Variants in PYM1 observed in about 807,000 individuals in gnomAD.
PYM1 encodes partner of Y14 and mago.
PYM1 carries 7 observed loss-of-function variants against 20.7 expected under a neutral mutation model. That is an observed-to-expected ratio of 0.34 (90% CI 0.19 to 0.64). The LOEUF (loss-of-function observed/expected upper bound fraction) is 0.64. Among genes scored for constraint, PYM1 ranks in the 30% least tolerant of loss-of-function variants. PYM1 has a pLI of 0.74. For missense variants in PYM1, 194 were observed against 250.0 expected (o/e 0.78, Z 1.51); for synonymous variants, 100 against 99.2 (o/e 1.01, Z -0.05).
chr12:55,907,963 G>T (rs1179062525), intron 1 of PYM1, among the ~76,000 whole-genome samples: 1 of 150,732 alleles, frequency 6.6e-6, no homozygotes, highest in Non-Finnish European at 1.5e-5. Context: ...AAAAAATAAG[G>T]CTGGGCATGG....
intron 1 of PYM1, among the ~76,000 whole-genome samples, chr12:55,910,592 A>G (rs911118913): frequency 6.6e-6 from 1 of 152,122 alleles, no homozygotes; most frequent in Non-Finnish European, 1.5e-5. Flanking sequence ...ACAGGAGCCC[A>G]CTACCACGCC....
At chr12:55,903,569 T>C in intron 1 of PYM1, 89 bp from the exon 2 acceptor site, 1 of 1,235,506 alleles carries the variant, frequency 8.1e-7, no homozygotes, top group Non-Finnish European at 1.2e-6. Context: ...ACATACCATC[T>C]CTCAGCACCC....
At chr12:55,923,936 C>G (rs1353963569) in intron 1 of PYM1, among the ~76,000 whole-genome samples, 1 of 151,902 alleles carries the variant, frequency 6.6e-6, no homozygotes, top group African/African-American at 2.4e-5. Flanking sequence ...ATTAGCCAAG[C>G]GTGGTGACAT....
chr12:55,920,368 G>A (rs890815395), intron 1 of PYM1, among the ~76,000 whole-genome samples: 5 of 152,086 alleles, frequency 3.3e-5, no homozygotes, highest in Non-Finnish European at 5.9e-5. Context: ...GCCGAGCACG[G>A]TGGCTCATGC....
In PYM1 at chr12:55,907,662, G is replaced by C. The variant is rs561392995; in HGVS notation, c.38-4182C>G. ...AAAAAAAAAAAAAAATTGGAGGCCA[G>C]GCGCAGTGGTGCACACCTGTAATCC... is the stretch of plus-strand genomic sequence containing the variant. On this transcript the variant is annotated intron_variant, in intron 1 of 2. Transcript: ENST00000408946. Among the ~76,000 whole-genome samples the C allele has an allele frequency of 2.0e-3, 304 of 148,636 alleles. 10 individuals are homozygous for C. Among genetic ancestry groups the C allele is most frequent in the Admixed American group, 0.019 (283 of 14,874 alleles).
At chr12:55,912,711 T>C (rs1882946075) in intron 1 of PYM1, among the ~76,000 whole-genome samples, 1 of 152,146 alleles carries the variant, frequency 6.6e-6, no homozygotes, top group Non-Finnish European at 1.5e-5. Flanking sequence ...ACGTATGTAA[T>C]CCCAGCACTT....
intron 2 of PYM1, among the ~76,000 whole-genome samples, chr12:55,902,737 A>C (rs557644335): frequency 1.3e-5 from 2 of 149,686 alleles, no homozygotes; most frequent in South Asian, 4.2e-4. Context: ...TTGGCCTCCC[A>C]AAGTGCTTGG....
intron 1 of PYM1, among the ~76,000 whole-genome samples, chr12:55,904,167 A>G (rs1404835982): frequency 2.6e-5 from 4 of 151,848 alleles, no homozygotes; most frequent in Non-Finnish European, 4.4e-5. Context: ...GGGTTTCGCC[A>G]TGTCAGCCAG....
intron 1 of PYM1, among the ~76,000 whole-genome samples, chr12:55,917,962 A>AAAAC (rs567724854): frequency 6.6e-6 from 1 of 152,136 alleles, no homozygotes; most frequent in Non-Finnish European, 1.5e-5. Context: ...TCCATCACAA[A>AAAAC]AAACAAACAA....
chr12:55,903,470 G>A lies in PYM1; in HGVS notation c.48C>T (p.Ile16=), dbSNP rs761023631. 28 of 1,613,306 alleles carry A rather than the reference G, an allele frequency of 1.7e-5. No individual in the cohort carries two copies. Among genetic ancestry groups the A allele is most frequent in the African/African-American group, 2.7e-5 (2 of 74,830 alleles). ...TCCCGTCAGGTCGCTGTGTTGACGC[G>A]ATATACTTGCCTAAAATAAGAAAAA... The part of the protein sequence containing the change: ...SPAATETGKY[I]ASTQRPDGTW... The change falls in exon 2 of 3, where the codon ATC becomes ATT. Residue 16 remains isoleucine, a synonymous_variant. Transcript: ENST00000408946.
chr12:55,919,078 T>G (rs1883055818), intron 1 of PYM1, among the ~76,000 whole-genome samples: 2 of 152,202 alleles, frequency 1.3e-5, no homozygotes, highest in Non-Finnish European at 2.9e-5. Flanking sequence ...ATGTTCTTAT[T>G]CAGGTACATA....
intron 1 of PYM1, among the ~76,000 whole-genome samples, chr12:55,916,293 C>G (rs11171697): frequency 6.6e-6 from 1 of 151,788 alleles, no homozygotes; most frequent in African/African-American, 2.4e-5. Context: ...TGAAACCACA[C>G]CAGTGCACTC....
chr12:55,903,327 T>C, intron 2 of PYM1, 60 bp downstream of exon 2: 2 of 1,472,466 alleles, frequency 1.4e-6, no homozygotes, highest in South Asian at 1.1e-5. Flanking sequence ...GGCATAAGGA[T>C]ATTCTATCCT....
At chr12:55,922,457 A>AAAAG (rs1466895644) in intron 1 of PYM1, among the ~76,000 whole-genome samples, 1 of 151,096 alleles carries the variant, frequency 6.6e-6, no homozygotes, top group African/African-American at 2.4e-5. Context: ...AAAAAAAAAA[A>AAAAG]AAAAAAAAAA....
intron 1 of PYM1, among the ~76,000 whole-genome samples, chr12:55,917,282 G>A (rs542508371): frequency 4.6e-5 from 7 of 151,352 alleles, no homozygotes; most frequent in East Asian, 4.0e-4. Flanking sequence ...TTAGCCGGGC[G>A]TGGTGGTGGG....
At chr12:55,915,063 A>C (rs1029549237) in intron 1 of PYM1, among the ~76,000 whole-genome samples, 1 of 151,972 alleles carries the variant, frequency 6.6e-6, no homozygotes, top group East Asian at 1.9e-4. Flanking sequence ...AAAATAGAAA[A>C]AATTAGCCGG....
intron 1 of PYM1, among the ~76,000 whole-genome samples, chr12:55,904,189 A>T (rs536128909): frequency 9.6e-4 from 146 of 151,360 alleles, no homozygotes; most frequent in Admixed American, 2.0e-3. Context: ...CTAGTCTCGA[A>T]CTCCTGACCT....
At chr12:55,914,319 T>G (rs1882970758) in intron 1 of PYM1, 1 of 702,310 alleles carries the variant, frequency 1.4e-6, no homozygotes, top group African/African-American at 1.7e-5. Flanking sequence ...CTTGATGGTA[T>G]CCAAGGGTGA....
rs1280358506 is a variant in PYM1 at position 55,902,268 on chromosome 12, T to G, written c.219A>C (p.Pro73=). ...LSPEATAPVT[P]SRPEGGEPGL... ...CTGGTTCACCACCTTCAGGCCTGGA[T>G]GGGGTGACAGGAGCAGTGGCCTCAG... Residue 73 remains proline, a synonymous_variant, in exon 3 of 3, where the codon CCA becomes CCC. Transcript: ENST00000408946. 3 of 1,614,186 alleles carry G rather than the reference T, an allele frequency of 1.9e-6. No homozygotes were observed.
Sources: allele counts gnomAD v4.1 joint callset (sites outside exome capture counted in the v4.1 genomes callset), GRCh38; gene constraint gnomAD v4.1.1; transcripts MANE v1.5; gene names NCBI Gene and HGNC (gene_info 2026-07-23, HGNC 2026-07-21).